CACNA1A: variants seen among roughly 807,000 people sequenced by gnomAD.
CACNA1A encodes calcium voltage-gated channel subunit alpha1 A.
CACNA1A carries 57 observed loss-of-function variants against 262.4 expected under a neutral mutation model. That is an observed-to-expected ratio of 0.22 (90% CI 0.18 to 0.27). The LOEUF is 0.27. CACNA1A is among the 10% of genes least tolerant of loss of function. The pLI, the probability that CACNA1A is intolerant of heterozygous loss-of-function variation, is 1.00. For missense variants in CACNA1A, 2,526 were observed against 3,562.8 expected (o/e 0.71, Z 7.41); for synonymous variants, 1,431 against 1,419.3 (o/e 1.01, Z -0.18).
At chr19:13,490,305 G>A (rs1317554485) in intron 1 of CACNA1A, among the ~76,000 whole-genome samples, 7 of 152,090 alleles carry the variant, frequency 4.6e-5, no homozygotes, top group Non-Finnish European at 1.0e-4. Flanking sequence ...CCACACCACC[G>A]ATAGAAACCT....
intron 17 of CACNA1A, among the ~76,000 whole-genome samples, chr19:13,302,824 G>A (rs779578655): frequency 2.6e-5 from 4 of 152,192 alleles, no homozygotes; most frequent in African/African-American, 9.7e-5. Flanking sequence ...TGCCAGGGCC[G>A]GCAGATGGAG....
intron 10 of CACNA1A, among the ~76,000 whole-genome samples, chr19:13,322,678 C>A (rs2058279635): frequency 6.6e-6 from 1 of 151,998 alleles, no homozygotes; most frequent in Non-Finnish European, 1.5e-5. Flanking sequence ...TCACTGCAAC[C>A]TCCACCTCCT....
intron 3 of CACNA1A, among the ~76,000 whole-genome samples, chr19:13,402,369 A>G (rs2144696998): frequency 6.6e-6 from 1 of 152,146 alleles, no homozygotes; most frequent in South Asian, 2.1e-4. Flanking sequence ...GGTACAATGG[A>G]CTTTAGAGAC....
chr19:13,274,092 A>T (rs1384309305), intron 24 of CACNA1A: 1 of 152,122 alleles, frequency 6.6e-6, no homozygotes, highest in Non-Finnish European at 1.5e-5. Context: ...AGAGGGAAGG[A>T]TGTGGGGAGG....
intron 1 of CACNA1A, among the ~76,000 whole-genome samples, chr19:13,497,398 G>A (rs1421129491): frequency 1.5e-5 from 2 of 137,752 alleles, no homozygotes; most frequent in Non-Finnish European, 3.0e-5. Flanking sequence ...AATGCCCATC[G>A]TCCTGCTTGA....
intron 1 of CACNA1A, among the ~76,000 whole-genome samples, chr19:13,477,360 T>C (rs1978674812): frequency 6.6e-6 from 1 of 152,206 alleles, no homozygotes; most frequent in South Asian, 2.1e-4. Context: ...CATACATCTC[T>C]CCCCATGAGC....
At chr19:13,389,065 G>A (rs1343786184) in intron 3 of CACNA1A, among the ~76,000 whole-genome samples, 6 of 152,018 alleles carry the variant, frequency 3.9e-5, no homozygotes, top group Admixed American at 6.5e-5. Flanking sequence ...ACCACGTCCA[G>A]CTAATTTTTG....
chr19:13,436,154 A>C (rs571357456), intron 3 of CACNA1A, among the ~76,000 whole-genome samples: 3 of 152,274 alleles, frequency 2.0e-5, no homozygotes, highest in Admixed American at 6.5e-5. Context: ...AGAAAGGACA[A>C]GGGAATGAAA....
chr19:13,453,083 C>T, intron 2 of CACNA1A, 68 bp from the exon 3 acceptor site: 6 of 1,554,342 alleles, frequency 3.9e-6, no homozygotes, highest in Non-Finnish European at 5.3e-6. Flanking sequence ...AGGGAACCAG[C>T]CCACCTAGAA....
In CACNA1A at chr19:13,413,895, A is replaced by AAAGAAAG. The variant is rs2060168175; in HGVS notation, c.539+38980_539+38981insCTTTCTT. Among the ~76,000 whole-genome samples, 40 of 119,134 alleles carry AAAGAAAG rather than the reference A, an allele frequency of 3.4e-4. 2 individuals are homozygous for AAAGAAAG. Among genetic ancestry groups the AAAGAAAG allele is most frequent in the African/African-American group, 1.4e-3 (34 of 24,552 alleles). The allele number at this position is 119,134 out of a possible 152,430, so 78.2% of individuals were successfully genotyped here. On this transcript the variant is annotated intron_variant, in intron 3 of 46. Coordinates refer to ENST00000360228, the MANE Select transcript of CACNA1A (RefSeq NM_001127222.2). ...GACTCTGTCAAGAAAGAAAGAAAGAAAAAGAAAGAAAGAAAGAAAGAAAGA... is the reference window on the plus strand; with the variant it reads ...GACTCTGTCAAGAAAGAAAGAAAGAAAAGAAAGAAAGAAAGAAAGAAAGAAAGAAAGA...
chr19:13,221,442 A>AG (rs1413510974), intron 38 of CACNA1A, among the ~76,000 whole-genome samples: 1 of 150,782 alleles, frequency 6.6e-6, no homozygotes, highest in Non-Finnish European at 1.5e-5. Flanking sequence ...CATGTTGGCC[A>AG]GGCTGGTCTC....
At chr19:13,400,734 G>A (rs767645145) in intron 3 of CACNA1A, among the ~76,000 whole-genome samples, 3 of 152,170 alleles carry the variant, frequency 2.0e-5, no homozygotes, top group Admixed American at 6.5e-5. Context: ...GTAAGTTGAG[G>A]CAGTGCACAG....
intron 29 of CACNA1A, among the ~76,000 whole-genome samples, chr19:13,253,445 C>CTTTTTTTT (rs57960659): frequency 3.2e-5 from 3 of 94,230 alleles, no homozygotes; most frequent in Non-Finnish European, 5.7e-5. Flanking sequence ...CTGAATTATA[C>CTTTTTTTT]TTTTTTTTTT....
chr19:13,445,238 C>T (rs1379268638), intron 3 of CACNA1A, among the ~76,000 whole-genome samples: 1 of 152,108 alleles, frequency 6.6e-6, no homozygotes, highest in Non-Finnish European at 1.5e-5. Context: ...TGCCTCTGAT[C>T]TTCAACAAAA....
rs767991873 is a variant in CACNA1A, at chr19:13,332,900, T to C, written c.1224A>G (p.Glu408=). 6.2e-7 allele frequency: 1 copy of C among 1,612,998 alleles called. No homozygotes were observed. The highest frequency in any genetic ancestry group is 1.1e-5 in the South Asian group (1 of 91,038). ...AGGGATGCCTCTGCTCCCCGTCAGT[T>C]TCATCCTCGGCGAGGATCACCTCTT... ...KAEEVILAED[E]TDGEQRHPFD... The change falls in exon 9 of 47, where the codon GAA becomes GAG. Residue 408 remains glutamate (E), a synonymous_variant. Coordinates refer to ENST00000360228, the MANE Select transcript of CACNA1A (RefSeq NM_001127222.2).
Position 13,318,772 on chromosome 19 carries a change from A to G in CACNA1A, c.1346-1451T>C, listed in dbSNP as rs146203832. Reference sequence around the variant, plus strand: ...TGAATGAATGATGTACATACAAAGGAATGGATGAATTGGTGAACCCCTTAA... The same window carrying G: ...TGAATGAATGATGTACATACAAAGGGATGGATGAATTGGTGAACCCCTTAA... On this transcript the variant is annotated intron_variant, in intron 10 of 46. Transcript: ENST00000360228. 1.1e-3 allele frequency among the ~76,000 whole-genome samples: 169 copies of G among 152,194 alleles called. 1 individual carries two copies. The highest frequency in any genetic ancestry group is 4.0e-3 in the African/African-American group (167 of 41,506).
chr19:13,410,494 G>C (rs899602423), intron 3 of CACNA1A, among the ~76,000 whole-genome samples: 5 of 150,808 alleles, frequency 3.3e-5, no homozygotes, highest in Non-Finnish European at 7.4e-5. Flanking sequence ...GGGATTACAG[G>C]TGTGAGTCAT....
intron 3 of CACNA1A, among the ~76,000 whole-genome samples, chr19:13,446,760 ATT>A (rs58187031): frequency 4.9e-5 from 7 of 142,472 alleles, no homozygotes; most frequent in South Asian, 2.2e-4. Flanking sequence ...CCCAGCTGGG[ATT>A]TTTTTTTTTT....
chr19:13,439,285 T>A (rs11883148), intron 3 of CACNA1A, among the ~76,000 whole-genome samples: 267 of 151,188 alleles, frequency 1.8e-3, no homozygotes, highest in African/African-American at 6.3e-3. Flanking sequence ...ATTTGTTGTA[T>A]TTTTAATAAA....
Sources: allele counts gnomAD v4.1 joint callset (sites outside exome capture counted in the v4.1 genomes callset), GRCh38; gene constraint gnomAD v4.1.1; transcripts MANE v1.5; gene names NCBI Gene and HGNC (gene_info 2026-07-23, HGNC 2026-07-21).